Variants in MYH13 observed in about 807,000 individuals in gnomAD.
The protein encoded by MYH13 is myosin heavy chain 13.
Under a neutral mutation model 232.1 loss-of-function variants are expected in MYH13, and 177 were observed. The observed-to-expected ratio is 0.76, with a 90% CI of 0.67 to 0.86. The LOEUF (loss-of-function observed/expected upper bound fraction) is 0.86, where lower values mean the gene tolerates loss of function less well. MYH13 is among the 40% of genes least tolerant of loss of function. The probability of loss-of-function intolerance (pLI) is 0.00; values close to 1 mark genes in which losing one functional copy is unlikely to be tolerated. For synonymous variants in MYH13, 884 were observed against 923.5 expected, an observed-to-expected ratio of 0.96 and a Z score of 0.78; for missense variants, 2,246 against 2,405.9, an observed-to-expected ratio of 0.93 and a Z score of 1.39.
chr17:10,323,340 C>T (rs923788251), intron 23 of MYH13, among the ~76,000 whole-genome samples: 9 of 152,214 alleles, frequency 5.9e-5, no homozygotes, highest in Non-Finnish European at 1.0e-4. Context: ...CCTTCACTAT[C>T]TGCCTGACCC....
In MYH13 at chr17:10,313,202, G is replaced by T. The variant is rs199597355; in HGVS notation, c.4137C>A (p.Tyr1379Ter). 2 of 1,614,190 alleles carry T rather than the reference G, an allele frequency of 1.2e-6. No homozygotes were observed. Among genetic ancestry groups the T allele is most frequent in the East Asian group, 4.5e-5 (2 of 44,872 alleles). Residue 1379 changes from tyrosine (Y) to a stop codon, truncating the protein, a stop_gained, in exon 30 of 41, where the codon TAC becomes TAA. Transcript: ENST00000252172. LOFTEE classifies it high-confidence loss of function. Reference protein sequence around the residue: ...NSEVAQWRTKYETDAIQRTEE... With the variant: ...NSEVAQWRTK ...CTGTGCGCTGAATGGCGTCCGTCTC[G>T]TATTTGGTCCTCCACTGGGCAACCT...
rs1410269937 is a variant in MYH13, at chr17:10,304,018, C to T, written c.5467-520G>A. 6.6e-6 allele frequency among the ~76,000 whole-genome samples: 1 copy of T among 152,070 alleles called. No homozygotes were observed. Among genetic ancestry groups the T allele is most frequent in the Non-Finnish European group, 1.5e-5 (1 of 68,028 alleles). ...CCATCATTCTCAGCAAACTAAGGAA[C>T]AGAAAACCAAACACCACATATTCTC... is the stretch of plus-strand genomic sequence containing the variant. On this transcript the variant is annotated intron_variant, in intron 37 of 40. Transcript: ENST00000252172. This position sits in a 1 kb window ranked among gnomAD's most constrained non-coding sequence, Gnocchi z 5.3.
In MYH13 at chr17:10,323,787, AAAGAAGAAGAAGAAGAAGAAGAAG is replaced by A. The variant is rs571033999; in HGVS notation, c.2934+211_2934+234del. Among the ~76,000 whole-genome samples, 119 of 66,746 alleles carry A rather than the reference AAAGAAGAAGAAGAAGAAGAAGAAG, an allele frequency of 1.8e-3. 1 individual carries two copies. Among genetic ancestry groups the A allele is most frequent in the South Asian group, 7.7e-3 (13 of 1,682 alleles). The allele number at this position is 66,746 out of a possible 152,430, so 43.8% of individuals were successfully genotyped here. On this transcript the variant is annotated intron_variant, in intron 23 of 40. Transcript: ENST00000252172. Reference sequence around the variant, plus strand: ...CACAAAAAAAAAAAAAAAAAAAAAAAAAGAAGAAGAAGAAGAAGAAGAAGAAGAAGAAGAAGAAGAAGAAGAGTC... The same window carrying A: ...CACAAAAAAAAAAAAAAAAAAAAAAAAAGAAGAAGAAGAAGAAGAAGAGTC...
chr17:10,358,385 A>G (rs1331956464), intron 7 of MYH13, among the ~76,000 whole-genome samples: 1 of 152,190 alleles, frequency 6.6e-6, no homozygotes, highest in East Asian at 1.9e-4. Context: ...TTCTGGGTCC[A>G]GAGCAATTTA....
chr17:10,339,765 A>G (rs565830587), intron 18 of MYH13, among the ~76,000 whole-genome samples: 52 of 152,346 alleles, frequency 3.4e-4, no homozygotes, highest in African/African-American at 1.2e-3. Context: ...CAAATATTGC[A>G]TAGGTCACAC....
rs1283412691 is a variant in MYH13 at position 10,313,148 on chromosome 17, G to A, written c.4181+10C>T. 1.9e-6 allele frequency: 3 copies of A among 1,614,040 alleles called. No individual in the cohort carries two copies. The highest frequency in any genetic ancestry group is 2.2e-5 in the East Asian group (1 of 44,878). ...GGCCCCCTCTGCTATTGCCACCCTG[G>A]AGCCCCTACTTGGCCTCCTCCAGCT... On this transcript the variant is annotated intron_variant, in intron 30 of 40. Coordinates refer to ENST00000252172, the MANE Select transcript of MYH13 (RefSeq NM_003802.3).
At chr17:10,346,560 C>T in intron 13 of MYH13, 120 bp downstream of exon 13, 1 of 658,712 alleles carries the variant, frequency 1.5e-6, no homozygotes. Context: ...AAATGAACTT[C>T]CTCTTAATGT....
chr17:10,333,970 G>A (rs1005849072), intron 18 of MYH13, among the ~76,000 whole-genome samples: 19 of 152,060 alleles, frequency 1.2e-4, no homozygotes, highest in Non-Finnish European at 2.4e-4. Flanking sequence ...GTAGGGCGGC[G>A]GTCATCTGCT....
intron 40 of MYH13, 41 bp from the exon 41 acceptor site, chr17:10,301,006 A>G (rs761932911): frequency 5.7e-6 from 9 of 1,576,612 alleles, no homozygotes; most frequent in Non-Finnish European, 7.8e-6. Flanking sequence ...AAATGAGTCA[A>G]CTAAATGGGA....
chr17:10,333,712 G>T (rs1278665882), intron 18 of MYH13, among the ~76,000 whole-genome samples: 3 of 152,178 alleles, frequency 2.0e-5, no homozygotes, highest in Middle Eastern at 3.2e-3. Flanking sequence ...CTCGAGACCA[G>T]CCTGGCCAAC....
chr17:10,324,184 C>T lies in MYH13; in HGVS notation c.2772G>A (p.Lys924=). ...KSKILLEAKV[K]ELTERLEEEE... The stretch of plus-strand genomic sequence containing the variant: ...CCTCTTCCAATCTCTCCGTCAGCTC[C>T]TTGACTTTTGCTTCCAGTAGGATCT... Residue 924 remains lysine (K), a synonymous_variant, in exon 23 of 41, where the codon AAG becomes AAA. Coordinates refer to ENST00000252172, the MANE Select transcript of MYH13 (RefSeq NM_003802.3). The T allele has an allele frequency of 1.9e-6, 3 of 1,613,974 alleles. No homozygotes were observed. Among genetic ancestry groups the T allele is most frequent in the South Asian group, 2.2e-5 (2 of 91,072 alleles).
intron 8 of MYH13, among the ~76,000 whole-genome samples, chr17:10,357,150 T>C (rs2071755401): frequency 6.6e-6 from 1 of 152,018 alleles, no homozygotes; most frequent in Non-Finnish European, 1.5e-5. Flanking sequence ...TTAGTAGAGA[T>C]GGGGTTTCGT....
At position 10,354,972 on chromosome 17, in the gene MYH13, AC is replaced by A. The variant is rs2071737752; in HGVS notation, c.823del (p.Val275Ter). Reference sequence around the variant, plus strand: ...TCTCTCACTGGATAATTGAAACGTCACTCTGGATTTTTCTAACAGATCTAAG... The same window carrying A: ...TCTCTCACTGGATAATTGAAACGTCATCTGGATTTTTCTAACAGATCTAAG... ...IETYLLEKSR[V>X]TFQLSSERSY... On this transcript the variant is annotated frameshift_variant, in exon 10 of 41. Transcript: ENST00000252172. LOFTEE classifies it high-confidence loss of function. 6.2e-7 allele frequency: 1 copy of A among 1,610,040 alleles called. No individual in the cohort carries two copies. Among genetic ancestry groups the A allele is most frequent in the African/African-American group, 1.3e-5 (1 of 74,784 alleles).
At position 10,324,238 on chromosome 17, in the gene MYH13, C is replaced by T. The variant is rs756469043; in HGVS notation, c.2718G>A (p.Glu906=). 6.8e-6 allele frequency: 11 copies of T among 1,613,866 alleles called. No homozygotes were observed. In the South Asian group the frequency reaches 8.8e-5, roughly 13 times the overall value. The change falls in exon 23 of 41, where the codon GAG becomes GAA. Residue 906 remains glutamate (E), a synonymous_variant. Coordinates refer to ENST00000252172, the MANE Select transcript of MYH13 (RefSeq NM_003802.3). The part of the protein sequence containing the change: ...QSETENLMDA[E]ERCEGLIKSK... The stretch of plus-strand genomic sequence containing the variant: ...TTTTGATGAGTCCTTCACACCGTTC[C>T]TCAGCGTCCATCAGATTTTCTGTTT...
chr17:10,318,804 G>A lies in MYH13; in HGVS notation c.3724C>T (p.Leu1242Phe), dbSNP rs746689351. The A allele has an allele frequency of 3.7e-6, 6 of 1,614,048 alleles. No homozygotes were observed. Among genetic ancestry groups the A allele is most frequent in the Non-Finnish European group, 4.2e-6 (5 of 1,179,962 alleles). The change falls in exon 27 of 41, where the codon CTC becomes TTC. Residue 1242 changes from leucine to phenylalanine, a missense_variant. Coordinates refer to ENST00000252172, the MANE Select transcript of MYH13 (RefSeq NM_003802.3). The stretch of plus-strand genomic sequence containing the variant: ...CAGTCAGGTACCTTTGACTTGGAGA[G>A]AGCCTCGATGTTGCTGGCCATGTCG... ...IDDMASNIEA[L>F]SKSKSNIERT...
chr17:10,309,307 G>A lies in MYH13; in HGVS notation c.5096C>T (p.Thr1699Met), dbSNP rs374001883. ...CTCTGACAGCCTGCGGGTCCGCTCC[G>A]TCTGTTCCAGGGCCACCTTCATTTC... is the stretch of plus-strand genomic sequence containing the variant. ...LEEMKVALEQ[T>M]ERTRRLSEQE... Residue 1699 changes from threonine to methionine, a missense_variant, in exon 35 of 41, where the codon ACG becomes ATG. Coordinates refer to ENST00000252172, the MANE Select transcript of MYH13 (RefSeq NM_003802.3). The A allele has an allele frequency of 2.7e-5, 43 of 1,613,846 alleles. No homozygotes were observed. Among genetic ancestry groups the A allele is most frequent in the African/African-American group, 2.4e-4 (18 of 74,950 alleles).
intron 29 of MYH13, 105 bp from the exon 30 acceptor site, chr17:10,313,459 G>A: frequency 6.5e-7 from 1 of 1,534,746 alleles, no homozygotes; most frequent in Non-Finnish European, 8.8e-7. Context: ...TCCCTATGCT[G>A]TCTTCACCAA....
At position 10,313,235 on chromosome 17, in the gene MYH13, G is replaced by A. The variant is rs377365193; in HGVS notation, c.4104C>T (p.Ala1368=). 31 of 1,614,084 alleles carry A rather than the reference G, an allele frequency of 1.9e-5. No homozygotes were observed. The highest frequency in any genetic ancestry group is 2.5e-5 in the Non-Finnish European group (30 of 1,180,048). Reference sequence around the variant, plus strand: ...TCCTCCACTGGGCAACCTCACTGTTGGCCTTGGACAGCGCCCTCTGCAGCT... The same window carrying A: ...TCCTCCACTGGGCAACCTCACTGTTAGCCTTGGACAGCGCCCTCTGCAGCT... ...KAELQRALSK[A]NSEVAQWRTK... is the part of the protein sequence containing the mutation. The change falls in exon 30 of 41, where the codon GCC becomes GCT. Residue 1368 remains alanine (A), a synonymous_variant. Transcript: ENST00000252172.
chr17:10,300,942 A>G lies in MYH13; in HGVS notation c.*9T>C. 6.2e-7 allele frequency: 1 copy of G among 1,612,716 alleles called. No individual in the cohort carries two copies. Among genetic ancestry groups the G allele is most frequent in the Non-Finnish European group, 8.5e-7 (1 of 1,179,088 alleles). ...GAGGTGTCCCATGGCAACGAGCATC[A>G]GGTGAGCCTCATTCTTCCATCTTCT... On this transcript the variant is annotated 3_prime_UTR_variant, in exon 41 of 41. Transcript: ENST00000252172.
Sources: gnomAD v4.1 joint callset for allele counts (sites outside exome capture counted in the v4.1 genomes callset) on GRCh38, gnomAD v4.1.1 for gene constraint, Gnocchi (gnomAD v3.1) non-coding constraint, MANE v1.5 for transcripts, NCBI Gene and HGNC (gene_info 2026-07-23, HGNC 2026-07-21) for gene names.